The following CLDN15 variants were observed in gnomAD, a reference collection of about 807,000 sequenced individuals.
CLDN15 encodes claudin-15.
CLDN15 carries 9 observed loss-of-function variants against 24.5 expected under a neutral mutation model. The observed-to-expected ratio is 0.37, with a 90% CI of 0.22 to 0.64. CLDN15 has a LOEUF of 0.64. Among genes scored for constraint, CLDN15 ranks in the 30% least tolerant of loss-of-function variants. The probability of loss-of-function intolerance (pLI) is 0.63; values close to 1 mark genes in which losing one functional copy is unlikely to be tolerated. For missense variants in CLDN15, 248 were observed against 305.9 expected, an observed-to-expected ratio of 0.81 and a Z score of 1.41; for synonymous variants, 149 against 131.4, an observed-to-expected ratio of 1.13 and a Z score of -0.92.
Position 101,232,534 on chromosome 7 carries a change from G to A in CLDN15, c.582-19C>T, listed in dbSNP as rs1344256230. On this transcript the variant is annotated intron_variant, in intron 4 of 4. Coordinates refer to ENST00000308344, the MANE Select transcript of CLDN15 (RefSeq NM_014343.3). ...CCGGGCGCTGCGGGGAGGGCCCGGG[G>A]TCAGAGCGGGGGCGCGGCCCTCCTC... 1 of 1,603,134 alleles carries A rather than the reference G, an allele frequency of 6.2e-7. No homozygotes were observed. The highest frequency in any genetic ancestry group is 8.5e-7 in the Non-Finnish European group (1 of 1,171,568).
chr7:101,233,954 T>TGC (rs1421521542), intron 2 of CLDN15: 2 of 490,890 alleles, frequency 4.1e-6, no homozygotes, highest in African/African-American at 1.9e-5. Flanking sequence ...ACTGTGTGTG[T>TGC]GCGCCATAGC....
At position 101,232,897 on chromosome 7, in the gene CLDN15, C is replaced by T. The variant is rs763821487; in HGVS notation, c.400G>A (p.Ala134Thr). The change falls in exon 3 of 5, where the codon GCC (alanine) becomes ACC (threonine). Residue 134 changes from alanine (A) to threonine (T), a missense_variant. Transcript: ENST00000308344. ...HILAGICGMV[A>T]ISWYAFNITR... ...ATGTTGAAGGCGTACCAGGAGATGG[C>T]CACCATCCCGCAGATACCTGGGGAC... 37 of 1,612,928 alleles carry T rather than the reference C, an allele frequency of 2.3e-5. No individual in the cohort carries two copies. Among genetic ancestry groups the T allele is most frequent in the Non-Finnish European group, 2.6e-5 (31 of 1,179,628 alleles).
At chr7:101,233,155 C>A (rs1451563414) in intron 2 of CLDN15, among the ~76,000 whole-genome samples, 2 of 152,138 alleles carry the variant, frequency 1.3e-5, no homozygotes, top group Admixed American at 6.5e-5. Context: ...CTCACACTAC[C>A]TCAACCTCCT....
In CLDN15 at chr7:101,232,734, C is replaced by T. The variant is rs1293562131; in HGVS notation, c.465-14G>A. ...CCCAGCTCGTACCTGCGCACAAGGG[C>T]GGCGCGGGGGCGGGGGACAAGTGAG... On this transcript the variant is annotated splice_polypyrimidine_tract_variant and intron_variant, in intron 3 of 4. Transcript: ENST00000308344. 1 of 1,588,216 alleles carries T rather than the reference C, an allele frequency of 6.3e-7. No individual in the cohort carries two copies. The highest frequency in any genetic ancestry group is 8.6e-7 in the Non-Finnish European group (1 of 1,163,986).
intron 1 of CLDN15, chr7:101,236,689 C>T: frequency 7.9e-7 from 1 of 1,258,626 alleles, no homozygotes. Context: ...GCCCAAAGAG[C>T]TGTTGGCTCC....
rs775959487 is a variant in CLDN15 at position 101,237,400 on chromosome 7, T to C, written c.182A>G (p.Asn61Ser). Residue 61 changes from asparagine (N) to serine (S), a missense_variant, in exon 1 of 5, where the codon AAC (asparagine) becomes AGC (serine). Asn to Ser is a conservative substitution (Grantham distance 46). Coordinates refer to ENST00000308344, the MANE Select transcript of CLDN15 (RefSeq NM_014343.3). This position sits in a 1 kb window ranked among gnomAD's most constrained non-coding sequence, Gnocchi z 4.0. ...SCATDSLGVY[N>S]CWEFPSMLAL... ...CAGCATGGACGGGAACTCCCAGCAGTTGTAGACGCCCAGGGAGTCGGTGGC... is the reference window on the plus strand; with the variant it reads ...CAGCATGGACGGGAACTCCCAGCAGCTGTAGACGCCCAGGGAGTCGGTGGC... 7 of 1,612,720 alleles carry C rather than the reference T, an allele frequency of 4.3e-6. No individual in the cohort carries two copies. The highest frequency in any genetic ancestry group is 5.1e-6 in the Non-Finnish European group (6 of 1,179,432).
chr7:101,236,805 C>T, intron 1 of CLDN15: 1 of 1,291,190 alleles, frequency 7.7e-7, no homozygotes, highest in Non-Finnish European at 1.0e-6. Context: ...AAGACGCCTC[C>T]CTTCACAGGG....
chr7:101,236,277 G>A (rs911367007), intron 1 of CLDN15, among the ~76,000 whole-genome samples: 3 of 151,946 alleles, frequency 2.0e-5, no homozygotes, highest in African/African-American at 7.3e-5. Context: ...GGGGCCCGCC[G>A]GCCCTGCATA....
intron 1 of CLDN15, among the ~76,000 whole-genome samples, chr7:101,236,311 G>A (rs1397428025): frequency 6.6e-6 from 1 of 152,142 alleles, no homozygotes; most frequent in Non-Finnish European, 1.5e-5. Flanking sequence ...AGAGATGGAT[G>A]AAAACAGGAA....
Position 101,237,639 on chromosome 7 carries a change from C to G in CLDN15, c.-58G>C. 1 of 1,302,556 alleles carries G rather than the reference C, an allele frequency of 7.7e-7. No individual in the cohort carries two copies. The highest frequency in any genetic ancestry group is 1.5e-5 in the African/African-American group (1 of 68,628). 80.7% of individuals were successfully genotyped at this position (1,302,556 alleles called of 1,614,324 possible). A position where few individuals can be genotyped will look rare whatever the true frequency, so the allele number is the denominator to read the frequency against. On this transcript the variant is annotated 5_prime_UTR_variant, in exon 1 of 5. Coordinates refer to ENST00000308344, the MANE Select transcript of CLDN15 (RefSeq NM_014343.3). The surrounding 1 kb of genome is among the most constrained non-coding windows in gnomAD (Gnocchi z 4.0). ...CCAGAGAGGGGGAGGGGCAGAACCC[C>G]TAGGGAACTGGAAGGGGCTGCGGCT...
chr7:101,236,920 G>A (rs1480335658), intron 1 of CLDN15: 2 of 815,480 alleles, frequency 2.5e-6, no homozygotes, highest in African/African-American at 3.5e-5. Flanking sequence ...AATCCAAGAT[G>A]GGGCCTCCTC....
intron 1 of CLDN15, among the ~76,000 whole-genome samples, 164 bp from the exon 2 acceptor site, chr7:101,234,606 T>C (rs927252001): frequency 2.6e-5 from 4 of 152,126 alleles, no homozygotes; most frequent in African/African-American, 9.7e-5. Flanking sequence ...TTTCTGTTTT[T>C]AGTAGAGACA....
In CLDN15 at chr7:101,232,717, G is replaced by A; in HGVS notation, c.468C>T (p.Tyr156=). 6.3e-7 allele frequency: 1 copy of A among 1,595,502 alleles called. No individual in the cohort carries two copies. The highest frequency in any genetic ancestry group is 8.5e-7 in the Non-Finnish European group (1 of 1,170,836). Residue 156 remains tyrosine (Y), a synonymous_variant, in exon 4 of 5, where the codon TAC becomes TAT. Transcript: ENST00000308344. ...CCAGGTAGAGGGCGGGGCCCAGCTCGTACCTGCGCACAAGGGCGGCGCGGG... is the reference window on the plus strand; with the variant it reads ...CCAGGTAGAGGGCGGGGCCCAGCTCATACCTGCGCACAAGGGCGGCGCGGG... ...FFDPLYPGTK[Y]ELGPALYLGW... is the part of the protein sequence containing the mutation.
chr7:101,232,664 A>G lies in CLDN15; in HGVS notation c.521T>C (p.Leu174Pro). 1 of 1,590,620 alleles carries G rather than the reference A, an allele frequency of 6.3e-7. No individual in the cohort carries two copies. The highest frequency in any genetic ancestry group is 8.6e-7 in the Non-Finnish European group (1 of 1,169,000). ...GGCGGAGCAGAGGCAGAGGCCACCC[A>G]GGATGGAGATCAGTGAGGCGCTCCA... ...LGWSASLISI[L>P]GGLCLCSACC... The change falls in exon 4 of 5, where the codon CTG becomes CCG. Residue 174 changes from leucine (L) to proline (P), a missense_variant. Physicochemically the swap from Leu to Pro is moderately conservative, Grantham distance 98 (BLOSUM62 -3). Transcript: ENST00000308344.
In CLDN15 at chr7:101,237,382, G is replaced by GAC. The variant is rs765921171; in HGVS notation, c.198_199dup (p.Ser67CysfsTer17). 6.2e-7 allele frequency: 1 copy of GAC among 1,611,358 alleles called. No homozygotes were observed. The highest frequency in any genetic ancestry group is 2.2e-5 in the East Asian group (1 of 44,802). On this transcript the variant is annotated frameshift_variant, in exon 1 of 5. Transcript: ENST00000308344. LOFTEE classifies it high-confidence loss of function. The surrounding 1 kb of genome is among the most constrained non-coding windows in gnomAD (Gnocchi z 4.0). ...CCCCATACCAGAGAGGGCCAGCATG[G>GAC]ACGGGAACTCCCAGCAGTTGTAGAC...
At position 101,234,201 on chromosome 7, in the gene CLDN15, G is replaced by A. The variant is rs193018038; in HGVS notation, c.382+77C>T. ...GAGCATGAGGAGTGGGAATTGGAGA[G>A]GAGATTAGATGAGGACAAAGCAGCC... On this transcript the variant is annotated intron_variant, in intron 2 of 4. Transcript: ENST00000308344. 4.3e-6 allele frequency: 5 copies of A among 1,151,574 alleles called. No homozygotes were observed. In the East Asian group the frequency reaches 1.2e-4, roughly 27 times the overall value. 71.3% of individuals were successfully genotyped at this position (1,151,574 alleles called of 1,614,324 possible). A position where few individuals can be genotyped will look rare whatever the true frequency, so the allele number is the denominator to read the frequency against.
rs770982810 is a variant in CLDN15, at chr7:101,232,931, GACCCC to G, written c.383-22_383-18del. On this transcript the variant is annotated intron_variant, in intron 2 of 4. Coordinates refer to ENST00000308344, the MANE Select transcript of CLDN15 (RefSeq NM_014343.3). ...CGCAGATACCTGGGGACCGGAGGACGACCCCAGTCCAGTCCAGGGGGAGGGATAGT... is the reference window on the plus strand; with the variant it reads ...CGCAGATACCTGGGGACCGGAGGACGAGTCCAGTCCAGGGGGAGGGATAGT... The G allele has an allele frequency of 6.3e-7, 1 of 1,577,734 alleles. No homozygotes were observed. The highest frequency in any genetic ancestry group is 2.3e-5 in the East Asian group (1 of 43,472).
intron 2 of CLDN15, 60 bp downstream of exon 2, chr7:101,234,218 A>G: frequency 3.0e-6 from 4 of 1,348,052 alleles, no homozygotes; most frequent in Non-Finnish European, 4.2e-6. Context: ...AGATGAGGAC[A>G]AAGCAGCCTG....
At chr7:101,235,318 G>A (rs112672201) in intron 1 of CLDN15, among the ~76,000 whole-genome samples, 5,546 of 152,186 alleles carry the variant, frequency 0.036, 144 homozygotes, top group Non-Finnish European at 0.055. Context: ...GGACAGTGGC[G>A]CCACTACAGC....
Sources: allele counts gnomAD v4.1 joint callset (sites outside exome capture counted in the v4.1 genomes callset), GRCh38; gene constraint gnomAD v4.1.1; non-coding constraint Gnocchi (gnomAD v3.1); transcripts MANE v1.5; gene names NCBI Gene and HGNC (gene_info 2026-07-23, HGNC 2026-07-21).